The following CYRIB variants were observed in gnomAD, a reference collection of about 807,000 sequenced individuals.
The protein encoded by CYRIB is CYFIP related Rac1 interactor B.
CYRIB carries 8 observed loss-of-function variants against 44.2 expected under a neutral mutation model. The observed-to-expected ratio is 0.18, with a 90% CI of 0.11 to 0.33. The LOEUF is 0.33. CYRIB is among the 10% of genes least tolerant of loss of function. The pLI, the probability that CYRIB is intolerant of heterozygous loss-of-function variation, is 1.00. For missense variants in CYRIB, 185 were observed against 382.8 expected, an observed-to-expected ratio of 0.48 and a Z score of 4.31; for synonymous variants, 131 against 127.2, an observed-to-expected ratio of 1.03 and a Z score of -0.20.
chr8:129,863,265 G>A (rs1180850550), intron 4 of CYRIB, among the ~76,000 whole-genome samples: 1 of 152,146 alleles, frequency 6.6e-6, no homozygotes, highest in Non-Finnish European at 1.5e-5. Flanking sequence ...CGTGGCTCAC[G>A]CCTGTAATCC....
At chr8:129,865,124 G>A (rs1461294281) in intron 4 of CYRIB, 1 of 153,036 alleles carries the variant, frequency 6.5e-6, no homozygotes, top group African/African-American at 2.4e-5. Context: ...CTGTTTACAG[G>A]TGTTACTTTT....
intron 1 of CYRIB, among the ~76,000 whole-genome samples, chr8:129,991,904 T>C (rs571440600): frequency 7.7e-6 from 1 of 129,748 alleles, no homozygotes; most frequent in African/African-American, 3.1e-5. Flanking sequence ...TGAGCTGAGA[T>C]TGCGCCACTG....
chr8:129,914,714 TGA>T (rs1383897532), intron 1 of CYRIB, among the ~76,000 whole-genome samples: 1 of 152,218 alleles, frequency 6.6e-6, no homozygotes, highest in African/African-American at 2.4e-5. Context: ...TTTGCAACAA[TGA>T]GAGTTATGTT....
intron 1 of CYRIB, among the ~76,000 whole-genome samples, chr8:129,981,042 G>A (rs2096218160): frequency 6.6e-6 from 1 of 151,956 alleles, no homozygotes. Flanking sequence ...TATGAAGATG[G>A]GAAGAAGACA....
exon 10 of CYRIB, chr8:129,849,284 C>T (rs761245614): frequency 1.2e-6 from 2 of 1,610,094 alleles, no homozygotes; most frequent in Non-Finnish European, 1.7e-6. Flanking sequence ...ACTGGATGTA[C>T]GTGGTCATAG....
At chr8:129,991,822 G>A (rs1390962217) in intron 1 of CYRIB, among the ~76,000 whole-genome samples, 2 of 151,644 alleles carry the variant, frequency 1.3e-5, no homozygotes, top group Admixed American at 1.3e-4. Context: ...GTGGTGGCAC[G>A]CACCTTTAGT....
chr8:129,858,963 G>T (rs188801668), intron 5 of CYRIB, among the ~76,000 whole-genome samples: 126 of 152,314 alleles, frequency 8.3e-4, no homozygotes, highest in African/African-American at 2.8e-3. Flanking sequence ...GTGCAGAGAC[G>T]AGAGAGTGTA....
chr8:129,884,477 A>G (rs1359032811), intron 2 of CYRIB, among the ~76,000 whole-genome samples: 1 of 151,982 alleles, frequency 6.6e-6, no homozygotes, highest in Non-Finnish European at 1.5e-5. Context: ...TAGTAGAGAC[A>G]GGGTTTCTCC....
intron 1 of CYRIB, among the ~76,000 whole-genome samples, chr8:130,006,510 C>T (rs1053508615): frequency 2.3e-5 from 3 of 132,794 alleles, no homozygotes; most frequent in African/African-American, 5.5e-5. Context: ...TTTGGGAGGC[C>T]GAGGCAGGTG....
At chr8:129,890,039 G>A (rs2064503561) in intron 2 of CYRIB, among the ~76,000 whole-genome samples, 1 of 152,120 alleles carries the variant, frequency 6.6e-6, no homozygotes, top group Admixed American at 6.5e-5. Flanking sequence ...CTCCCAAAGT[G>A]CTAGGATTAC....
intron 1 of CYRIB, among the ~76,000 whole-genome samples, chr8:129,999,055 G>A (rs2096847322): frequency 6.6e-6 from 1 of 152,066 alleles, no homozygotes; most frequent in South Asian, 2.1e-4. Context: ...TCTATTCATA[G>A]CCGTCTGTTC....
chr8:130,014,463 T>C (rs1003994049), intron 1 of CYRIB, among the ~76,000 whole-genome samples: 1 of 152,084 alleles, frequency 6.6e-6, no homozygotes, highest in Admixed American at 6.6e-5. Flanking sequence ...CTGCACATGC[T>C]CAAACTGCAG....
rs2045032722 is a variant in CYRIB at position 129,854,434 on chromosome 8, A to T, written c.439-91T>A. 4 of 857,278 alleles carry T rather than the reference A, an allele frequency of 4.7e-6. No individual in the cohort carries two copies. In the South Asian group the frequency reaches 6.7e-5, roughly 14 times the overall value. 53.1% of individuals were successfully genotyped at this position (857,278 alleles called of 1,614,324 possible). ...AAAATCTTTAGTTTTAATTAGTATA[A>T]AACATTCCATAATTCATAGTATCAT... On this transcript the variant is annotated intron_variant, in intron 6 of 11. Transcript: ENST00000519824.
chr8:130,008,195 CGA>C (rs1170348398), intron 1 of CYRIB: 4 of 152,234 alleles, frequency 2.6e-5, no homozygotes, highest in African/African-American at 9.7e-5. Flanking sequence ...GGTGACAGAG[CGA>C]GACTCTGTCT....
At chr8:129,990,699 G>GT (rs1179439384) in intron 1 of CYRIB, among the ~76,000 whole-genome samples, 1 of 151,572 alleles carries the variant, frequency 6.6e-6, no homozygotes, top group Non-Finnish European at 1.5e-5. Flanking sequence ...TTTCCTTTTT[G>GT]TTTTTTTAGA....
At chr8:129,930,252 T>C (rs2090446368) in intron 1 of CYRIB, among the ~76,000 whole-genome samples, 1 of 150,006 alleles carries the variant, frequency 6.7e-6, no homozygotes, top group Admixed American at 6.6e-5. Context: ...ATTCATCTCT[T>C]ACTTATGAGA....
chr8:129,943,911 TAAA>T (rs545370945), upstream of CYRIB, among the ~76,000 whole-genome samples: 627 of 108,002 alleles, frequency 5.8e-3, 6 homozygotes, highest in African/African-American at 0.021. Context: ...GACTCCATCT[TAAA>T]AAAAAAAAAA....
chr8:129,952,636 C>T (rs1412949643), intron 2 of CYRIB, among the ~76,000 whole-genome samples: 1 of 151,698 alleles, frequency 6.6e-6, no homozygotes, highest in Non-Finnish European at 1.5e-5. Context: ...AGAGTGTGAA[C>T]AGGAGAAATA....
intron 1 of CYRIB, among the ~76,000 whole-genome samples, chr8:129,925,792 A>G (rs1292864103): frequency 6.6e-6 from 1 of 152,182 alleles, no homozygotes; most frequent in Non-Finnish European, 1.5e-5. Context: ...GTTACACATT[A>G]AGTTCCCCAA....
Sources: allele counts gnomAD v4.1 joint callset (sites outside exome capture counted in the v4.1 genomes callset), GRCh38; gene constraint gnomAD v4.1.1; transcripts MANE v1.5; gene names NCBI Gene and HGNC (gene_info 2026-07-23, HGNC 2026-07-21).